NKIRAS1: variants seen among roughly 807,000 people sequenced by gnomAD.
NKIRAS1 encodes NFKB inhibitor interacting Ras like 1, also known as NF-kappa-B inhibitor-interacting Ras-like protein 1.
NKIRAS1 carries 16 observed loss-of-function variants against 19.8 expected under a neutral mutation model. The ratio of observed to expected loss-of-function variants is 0.81; its 90% CI spans 0.55 to 1.23. NKIRAS1 has a LOEUF of 1.23. NKIRAS1 is among the 50% of genes most tolerant of loss of function. The pLI is 0.00. For missense variants in NKIRAS1, 184 were observed against 220.0 expected, an observed-to-expected ratio of 0.84 and a Z score of 1.04; for synonymous variants, 88 against 79.0, an observed-to-expected ratio of 1.11 and a Z score of -0.61.
Position 23,935,524 on chromosome 3 carries a change from T to A in NKIRAS1, c.-140+10799A>T, listed in dbSNP as rs544536674. Among the ~76,000 whole-genome samples the A allele has an allele frequency of 7.9e-5, 12 of 152,272 alleles. No homozygotes were observed. In the East Asian group the frequency reaches 1.9e-3, roughly 25 times the overall value. ...TCTACCACTAACACTTAGGCTCAAG[T>A]AATCCTCCAACCTCAGCATCCCAAG... On this transcript the variant is annotated intron_variant, in intron 1 of 4. Transcript: ENST00000421515.
At position 23,922,688 on chromosome 3, in the gene NKIRAS1, C is replaced by CT. The variant is rs1257603802; in HGVS notation, c.-139-11239dup. The CT allele has an allele frequency of 6.6e-6, 1 of 152,190 alleles. No individual in the cohort carries two copies. The highest frequency in any genetic ancestry group is 1.5e-5 in the Non-Finnish European group (1 of 68,056). The allele number at this position is 152,190 out of a possible 1,614,324, so 9.4% of individuals were successfully genotyped here. ...GGTGTCAGCCACTGCACGTGGCCAA[C>CT]TTAAAGTTTTTGATAGATAATACAT... On this transcript the variant is annotated intron_variant, in intron 1 of 4. Coordinates refer to the NKIRAS1 transcript ENST00000421515. The surrounding 1 kb of genome is among the most constrained non-coding windows in gnomAD (Gnocchi z 4.2).
chr3:23,896,998 G>C (rs1702057757), intron 4 of NKIRAS1, among the ~76,000 whole-genome samples: 1 of 152,114 alleles, frequency 6.6e-6, no homozygotes, highest in Admixed American at 6.5e-5. Flanking sequence ...TTGAAGCCAG[G>C]AGTTGGGAGA....
chr3:23,909,723 A>T (rs1259618603), intron 3 of NKIRAS1, among the ~76,000 whole-genome samples: 1 of 152,204 alleles, frequency 6.6e-6, no homozygotes, highest in East Asian at 1.9e-4. Context: ...CAATTAATAA[A>T]TAATTATTTG....
chr3:23,944,117 G>A (rs552642542), intron 1 of NKIRAS1, among the ~76,000 whole-genome samples: 1 of 152,318 alleles, frequency 6.6e-6, no homozygotes, highest in East Asian at 1.9e-4. Context: ...TATTTTGAAG[G>A]TAGAATAGCT....
intron 3 of NKIRAS1, among the ~76,000 whole-genome samples, chr3:23,905,984 C>A (rs527592810): frequency 6.6e-6 from 1 of 151,912 alleles, no homozygotes; most frequent in East Asian, 1.9e-4. Flanking sequence ...CATGGTGAAA[C>A]CCTGTCTCTA....
rs907301666 is a variant in NKIRAS1 at position 23,946,187 on chromosome 3, G to A, written c.-140+136C>T. 1.6e-5 allele frequency: 16 copies of A among 985,354 alleles called. 1 individual carries two copies. In the East Asian group the frequency reaches 1.1e-3, roughly 70 times the overall value. The allele number at this position is 985,354 out of a possible 1,614,324, so 61.0% of individuals were successfully genotyped here. A position where few individuals can be genotyped will look rare whatever the true frequency, so the allele number is the denominator to read the frequency against. On this transcript the variant is annotated intron_variant, in intron 1 of 4. Transcript: ENST00000421515. ...GCGTGCGCGCCCGCTGAGCCCCCGC[G>A]GCGGGGCGTCCCCGAAGCGGGCGCT...
At chr3:23,912,504 C>A (rs911651058) in intron 1 of NKIRAS1, among the ~76,000 whole-genome samples, 1 of 152,228 alleles carries the variant, frequency 6.6e-6, no homozygotes, top group East Asian at 1.9e-4. Context: ...CCATCTCACG[C>A]CAATTAGAAT....
upstream of NKIRAS1, chr3:23,917,690 G>A: frequency 1.5e-6 from 1 of 665,432 alleles, no homozygotes; most frequent in Admixed American, 3.3e-5. Context: ...CTCCGTGGGC[G>A]CAGTGGTGGG....
At chr3:23,895,632 G>A (rs1435405882) in intron 4 of NKIRAS1, among the ~76,000 whole-genome samples, 2 of 152,078 alleles carry the variant, frequency 1.3e-5, no homozygotes, top group Non-Finnish European at 2.9e-5. Flanking sequence ...AATATGGCTG[G>A]AGAAAAACAT....
intron 1 of NKIRAS1, among the ~76,000 whole-genome samples, chr3:23,924,993 T>C (rs1023396677): frequency 1.2e-4 from 19 of 152,178 alleles, no homozygotes; most frequent in African/African-American, 4.3e-4. Context: ...TCTGGAACAT[T>C]GCGAGGTGTC....
rs1344936783 is a variant in NKIRAS1 at position 23,892,693 on chromosome 3, A to T, written c.*402T>A. ...TTAGATTAATGAACTTTTTAAAAAC[A>T]AAGTCATGTTTGGGCTTAGAAGTTT... On this transcript the variant is annotated 3_prime_UTR_variant, in exon 5 of 5. Coordinates refer to ENST00000425478, the MANE Select transcript of NKIRAS1 (RefSeq NM_020345.4). 1 of 153,622 alleles carries T rather than the reference A, an allele frequency of 6.5e-6. No individual in the cohort carries two copies. The highest frequency in any genetic ancestry group is 2.4e-5 in the African/African-American group (1 of 41,400). 9.5% of individuals were successfully genotyped at this position (153,622 alleles called of 1,614,324 possible).
chr3:23,908,684 T>C lies in NKIRAS1; in HGVS notation c.94+2127A>G, dbSNP rs146916528. 6.1e-3 allele frequency among the ~76,000 whole-genome samples: 923 copies of C among 152,142 alleles called. 10 individuals carry two copies. The highest frequency in any genetic ancestry group is 0.021 in the African/African-American group (853 of 41,514). ...TACAAATGTCTCCATTTTCCTTTTC[T>C]TTTTTTCTTTTTTCAGACAGGGTCT... On this transcript the variant is annotated intron_variant, in intron 3 of 4. Coordinates refer to ENST00000425478, the MANE Select transcript of NKIRAS1 (RefSeq NM_020345.4).
At chr3:23,936,235 A>T (rs1218908867) in intron 1 of NKIRAS1, among the ~76,000 whole-genome samples, 1 of 152,188 alleles carries the variant, frequency 6.6e-6, no homozygotes, top group Non-Finnish European at 1.5e-5. Context: ...CATAAACCCA[A>T]GCAATGTGCT....
At chr3:23,917,590 T>C (rs1704702878), upstream of NKIRAS1, 1 of 352,854 alleles carries the variant, frequency 2.8e-6, no homozygotes, top group Admixed American at 4.8e-5. Flanking sequence ...ACCCGCCCCC[T>C]TGGTGCTCAG....
upstream of NKIRAS1, chr3:23,918,909 G>T: frequency 1.9e-6 from 1 of 517,704 alleles, no homozygotes; most frequent in Non-Finnish European, 3.4e-6. Flanking sequence ...AAAAAGATAA[G>T]GTCCCCAAAC....
chr3:23,893,190 T>C lies in NKIRAS1; in HGVS notation c.484A>G (p.Thr162Ala). Residue 162 changes from threonine to alanine, a missense_variant, in exon 5 of 5, where the codon ACT (threonine) becomes GCT (alanine). Transcript: ENST00000425478. Reference protein sequence around the residue: ...TDRKTLIEPFTLLASKLSQPQ... With the variant: ...TDRKTLIEPFALLASKLSQPQ... Reference sequence around the variant, plus strand: ...TGAGAAAGTTTACTGGCTAATAAAGTGAATGGTTCAATCAGAGTTTTCCGA... The same window carrying C: ...TGAGAAAGTTTACTGGCTAATAAAGCGAATGGTTCAATCAGAGTTTTCCGA... 1.2e-6 allele frequency: 2 copies of C among 1,613,772 alleles called. No individual in the cohort carries two copies. The highest frequency in any genetic ancestry group is 1.7e-6 in the Non-Finnish European group (2 of 1,179,902).
intron 4 of NKIRAS1, among the ~76,000 whole-genome samples, chr3:23,899,938 C>T (rs1426119895): frequency 2.6e-5 from 4 of 152,058 alleles, no homozygotes; most frequent in South Asian, 2.1e-4. Context: ...CCGAAGCAGG[C>T]GGATCACAAA....
At chr3:23,920,697 A>G (rs2125258757), upstream of NKIRAS1, 2 of 985,146 alleles carry the variant, frequency 2.0e-6, no homozygotes, top group South Asian at 9.4e-5. Context: ...AGACTCAGTT[A>G]ATTGATTTCC....
chr3:23,890,406 C>A lies in NKIRAS1; in HGVS notation c.*2689G>T. 2 of 1,033,714 alleles carry A rather than the reference C, an allele frequency of 1.9e-6. No individual in the cohort carries two copies. Among genetic ancestry groups the A allele is most frequent in the Non-Finnish European group, 2.8e-6 (2 of 720,314 alleles). 64.0% of individuals were successfully genotyped at this position (1,033,714 alleles called of 1,614,324 possible). On this transcript the variant is annotated 3_prime_UTR_variant, in exon 5 of 5. Transcript: ENST00000425478. ...GTGGTGTTTCGAAGATGGGTTTGAT[C>A]ACACATACTTTGTCGTACGTATCTA...
Sources: allele counts gnomAD v4.1 joint callset (sites outside exome capture counted in the v4.1 genomes callset), GRCh38; gene constraint gnomAD v4.1.1; non-coding constraint Gnocchi (gnomAD v3.1); transcripts MANE v1.5; gene names NCBI Gene and HGNC (gene_info 2026-07-23, HGNC 2026-07-21).